Variants in WDR70 observed in about 807,000 individuals in gnomAD.
The protein encoded by WDR70 is WD repeat domain 70.
In WDR70, 53 loss-of-function variants were observed where a neutral mutation model predicts 88.6. That is an observed-to-expected ratio of 0.60 (90% CI 0.48 to 0.75). The LOEUF (loss-of-function observed/expected upper bound fraction) is 0.75, where lower values mean the gene tolerates loss of function less well. Among genes scored for constraint, WDR70 ranks in the 30% least tolerant of loss-of-function variants. The probability of loss-of-function intolerance (pLI) is 0.00; values close to 1 mark genes in which losing one functional copy is unlikely to be tolerated. For synonymous variants in WDR70, 280 were observed against 270.0 expected (o/e 1.04, Z -0.36); for missense variants, 610 against 823.2 (o/e 0.74, Z 3.17).
At chr5:37,574,523 CT>C (rs1743000213) in intron 9 of WDR70, among the ~76,000 whole-genome samples, 1 of 152,116 alleles carries the variant, frequency 6.6e-6, no homozygotes, top group African/African-American at 2.4e-5. Context: ...TGTTTCTGGA[CT>C]CTGCCCTTGT....
intron 9 of WDR70, among the ~76,000 whole-genome samples, chr5:37,590,329 A>G (rs1425356940): frequency 1.3e-5 from 2 of 152,146 alleles, no homozygotes; most frequent in Non-Finnish European, 2.9e-5. Context: ...TGCCATCTAT[A>G]TATTTGCCTT....
intron 9 of WDR70, among the ~76,000 whole-genome samples, chr5:37,539,438 T>C (rs1741753271): frequency 6.6e-6 from 1 of 152,140 alleles, no homozygotes; most frequent in Admixed American, 6.5e-5. Flanking sequence ...TGTGAGGACA[T>C]AGTGAGAAAG....
intron 7 of WDR70, among the ~76,000 whole-genome samples, chr5:37,477,314 C>T (rs1248198290): frequency 3.9e-5 from 6 of 152,254 alleles, no homozygotes; most frequent in African/African-American, 1.2e-4. Context: ...TTAAGTGATT[C>T]TGTAATTCTA....
At chr5:37,499,323 A>C (rs1209264382) in intron 8 of WDR70, among the ~76,000 whole-genome samples, 4 of 151,998 alleles carry the variant, frequency 2.6e-5, no homozygotes, top group African/African-American at 9.7e-5. Flanking sequence ...CATGTTGGCC[A>C]GGCTGGTCTC....
chr5:37,739,089 A>G (rs898406763), intron 17 of WDR70, among the ~76,000 whole-genome samples: 3 of 152,246 alleles, frequency 2.0e-5, no homozygotes, highest in Non-Finnish European at 4.4e-5. Context: ...ACTCTTCCCC[A>G]GATGAGTTAC....
chr5:37,721,081 C>G, intron 13 of WDR70, 34 bp from the exon 14 acceptor site: 1 of 1,595,750 alleles, frequency 6.3e-7, no homozygotes, highest in Non-Finnish European at 8.6e-7. Context: ...TTTATCTGGC[C>G]TCTTTAGTCA....
Position 37,562,541 on chromosome 5 carries a change from T to TAAAC in WDR70, c.918-42521_918-42520insACAA, listed in dbSNP as rs1344912588. Among the ~76,000 whole-genome samples the TAAAC allele has an allele frequency of 4.6e-5, 7 of 151,444 alleles. No individual in the cohort carries two copies. In the South Asian group the frequency reaches 6.3e-4, roughly 14 times the overall value. The stretch of plus-strand genomic sequence containing the variant: ...CAATAGTGGAGGGAAGGTCAGCAGA[T>TAAAC]AAGTGAACAAAGGTCTCTGGTTTTC... On this transcript the variant is annotated intron_variant, in intron 9 of 17. Transcript: ENST00000265107.
chr5:37,559,844 TAA>T (rs199731767), intron 9 of WDR70, among the ~76,000 whole-genome samples: 22 of 111,320 alleles, frequency 2.0e-4, no homozygotes, highest in African/African-American at 5.9e-4. Flanking sequence ...AAATTCAGTA[TAA>T]AAAAAAAAAA....
chr5:37,656,885 C>T (rs1379649086), intron 10 of WDR70, among the ~76,000 whole-genome samples: 1 of 152,174 alleles, frequency 6.6e-6, no homozygotes, highest in African/African-American at 2.4e-5. Flanking sequence ...CACTGATCTC[C>T]ATGTGGGTGG....
intron 5 of WDR70, among the ~76,000 whole-genome samples, chr5:37,414,777 AATT>A (rs753942870): frequency 6.7e-6 from 1 of 149,728 alleles, no homozygotes; most frequent in Non-Finnish European, 1.5e-5. Flanking sequence ...ATCTAGTCAC[AATT>A]ATTCTTTTTT....
At chr5:37,502,039 A>G (rs1426065832) in intron 8 of WDR70, among the ~76,000 whole-genome samples, 1 of 152,148 alleles carries the variant, frequency 6.6e-6, no homozygotes, top group East Asian at 1.9e-4. Context: ...GATCATTTTC[A>G]TGATATTGGT....
At chr5:37,611,176 G>A (rs1744180629) in intron 10 of WDR70, among the ~76,000 whole-genome samples, 1 of 151,916 alleles carries the variant, frequency 6.6e-6, no homozygotes, top group African/African-American at 2.4e-5. Flanking sequence ...GGGTTTTTTT[G>A]TTAAATTTTC....
At chr5:37,519,503 CGGGCGG>C (rs1741011815) in intron 9 of WDR70, among the ~76,000 whole-genome samples, 2 of 142,938 alleles carry the variant, frequency 1.4e-5, no homozygotes, top group Non-Finnish European at 3.0e-5. Flanking sequence ...ACTGGGCGGC[CGGGCGG>C]AGGCGCTCCT....
chr5:37,472,860 C>A (rs11951184), intron 7 of WDR70, among the ~76,000 whole-genome samples: 3 of 151,992 alleles, frequency 2.0e-5, no homozygotes, highest in Non-Finnish European at 2.9e-5. Flanking sequence ...CTGCTTTGAA[C>A]GTTTTTGTAT....
At chr5:37,515,010 CT>C (rs1740843706) in intron 8 of WDR70, among the ~76,000 whole-genome samples, 1 of 147,316 alleles carries the variant, frequency 6.8e-6, no homozygotes, top group South Asian at 2.1e-4. Flanking sequence ...AGTGAGACCC[CT>C]GTCTCAAGAA....
At chr5:37,599,899 GAAA>G (rs57341673) in intron 9 of WDR70, among the ~76,000 whole-genome samples, 1 of 137,608 alleles carries the variant, frequency 7.3e-6, no homozygotes, top group Non-Finnish European at 1.6e-5. Flanking sequence ...TCTCAAAAAA[GAAA>G]AAAAAAAAAG....
At chr5:37,383,089 A>G (rs1748483930) in intron 3 of WDR70, among the ~76,000 whole-genome samples, 1 of 151,978 alleles carries the variant, frequency 6.6e-6, no homozygotes, top group Non-Finnish European at 1.5e-5. Context: ...AAGATAAAAT[A>G]AAATATAAAA....
intron 8 of WDR70, among the ~76,000 whole-genome samples, chr5:37,489,941 C>G (rs931662828): frequency 2.0e-5 from 3 of 152,108 alleles, no homozygotes; most frequent in Non-Finnish European, 2.9e-5. Flanking sequence ...GCTATCCCTC[C>G]CCCTTCCCCC....
At chr5:37,537,866 C>T (rs776292387) in intron 9 of WDR70, among the ~76,000 whole-genome samples, 2 of 152,182 alleles carry the variant, frequency 1.3e-5, no homozygotes, top group Non-Finnish European at 2.9e-5. Context: ...TCGAGAACAA[C>T]TAGCATCTGA....
Sources: allele counts gnomAD v4.1 joint callset (sites outside exome capture counted in the v4.1 genomes callset), GRCh38; gene constraint gnomAD v4.1.1; transcripts MANE v1.5; gene names NCBI Gene and HGNC (gene_info 2026-07-23, HGNC 2026-07-21).